The following ARHGAP32 variants were observed in gnomAD, a reference collection of about 807,000 sequenced individuals.
ARHGAP32 encodes rho GTPase-activating protein 32.
ARHGAP32 carries 51 observed loss-of-function variants against 186.5 expected under a neutral mutation model. The ratio of observed to expected loss-of-function variants is 0.27; its 90% CI spans 0.22 to 0.35. The LOEUF (loss-of-function observed/expected upper bound fraction) is 0.35, where lower values mean the gene tolerates loss of function less well. Ranked by LOEUF, ARHGAP32 falls within the 10% of genes least tolerant of loss-of-function variation. The probability of loss-of-function intolerance (pLI) is 1.00; values close to 1 mark genes in which losing one functional copy is unlikely to be tolerated. For synonymous variants in ARHGAP32, 950 were observed against 964.3 expected (o/e 0.99, Z 0.27); for missense variants, 2,186 against 2,623.5 (o/e 0.83, Z 3.64).
Position 129,168,959 on chromosome 11 carries a change from G to A in ARHGAP32, c.117-4532C>T, listed in dbSNP as rs185094018. On this transcript the variant is annotated intron_variant, in intron 1 of 22. Coordinates refer to ENST00000682385, the MANE Select transcript of ARHGAP32 (RefSeq NM_001378024.1). ...AATGGAAATTAGAAAGTCTTTTTATGTGAATGATAATGAAAATACAATAGA... is the reference window on the plus strand; with the variant it reads ...AATGGAAATTAGAAAGTCTTTTTATATGAATGATAATGAAAATACAATAGA... 7.9e-5 allele frequency among the ~76,000 whole-genome samples: 12 copies of A among 152,244 alleles called. No individual in the cohort carries two copies. The East Asian group carries it at 2.1e-3, about 27-fold the overall frequency.
intron 10 of ARHGAP32, among the ~76,000 whole-genome samples, chr11:129,043,373 C>CTT (rs1162755786): frequency 1.2e-5 from 1 of 83,726 alleles, no homozygotes; most frequent in Non-Finnish European, 2.7e-5. Flanking sequence ...ATGCAAATTT[C>CTT]TTTTTTTCTT....
chr11:129,208,505 C>G (rs1014462686), intron 1 of ARHGAP32, among the ~76,000 whole-genome samples: 3 of 152,122 alleles, frequency 2.0e-5, no homozygotes, highest in Non-Finnish European at 4.4e-5. Flanking sequence ...GATCAAACAA[C>G]AGTTAAGACA....
At chr11:129,251,128 TTGA>T (rs1467558485) in intron 1 of ARHGAP32, among the ~76,000 whole-genome samples, 1 of 152,212 alleles carries the variant, frequency 6.6e-6, no homozygotes, top group Non-Finnish European at 1.5e-5. Flanking sequence ...GGATCCTATC[TTGA>T]TGAGGCACCA....
At chr11:129,246,475 A>G (rs1945098505) in intron 1 of ARHGAP32, among the ~76,000 whole-genome samples, 1 of 152,232 alleles carries the variant, frequency 6.6e-6, no homozygotes, top group Admixed American at 6.5e-5. Flanking sequence ...AGAAAAAGAT[A>G]AATTTTACTT....
chr11:129,262,360 A>G (rs1283415963), intron 1 of ARHGAP32, among the ~76,000 whole-genome samples: 2 of 152,120 alleles, frequency 1.3e-5, no homozygotes, highest in African/African-American at 4.8e-5. Flanking sequence ...CCTTACAAAT[A>G]AACAGCTTTA....
intron 1 of ARHGAP32, among the ~76,000 whole-genome samples, chr11:129,247,002 C>CG (rs60207158): frequency 9.5e-4 from 3 of 3,150 alleles, no homozygotes; most frequent in Admixed American, 4.4e-3. Flanking sequence ...CCACAGAGTA[C>CG]CTCTTTTTTC....
intron 11 of ARHGAP32, among the ~76,000 whole-genome samples, chr11:129,030,288 G>A (rs992786820): frequency 3.3e-5 from 5 of 152,014 alleles, no homozygotes; most frequent in Non-Finnish European, 7.4e-5. Context: ...CTACAAAAGA[G>A]CAAAAAGTGT....
At chr11:129,089,159 T>C (rs1476316630) in intron 6 of ARHGAP32, among the ~76,000 whole-genome samples, 2 of 152,188 alleles carry the variant, frequency 1.3e-5, no homozygotes, top group African/African-American at 4.8e-5. Flanking sequence ...GATAAGAATT[T>C]GTTCTTCTTT....
intron 6 of ARHGAP32, among the ~76,000 whole-genome samples, chr11:129,068,830 A>G (rs2135166969): frequency 6.6e-6 from 1 of 152,202 alleles, no homozygotes; most frequent in Middle Eastern, 3.4e-3. Flanking sequence ...AAAACACTTT[A>G]TCCAAGTCTG....
At chr11:129,242,902 A>G (rs1345120330) in intron 1 of ARHGAP32, among the ~76,000 whole-genome samples, 1 of 152,012 alleles carries the variant, frequency 6.6e-6, no homozygotes, top group Admixed American at 6.6e-5. Flanking sequence ...TCAGCTCCCA[A>G]ACCACCTCTA....
At chr11:129,193,425 T>A (rs537568170), upstream of ARHGAP32, among the ~76,000 whole-genome samples, 11 of 100,784 alleles carry the variant, frequency 1.1e-4, no homozygotes, top group East Asian at 3.5e-3. Context: ...AAGGCTGTTG[T>A]GAGCCATAAT....
At chr11:129,076,413 G>A (rs1309617768) in intron 6 of ARHGAP32, among the ~76,000 whole-genome samples, 1 of 152,148 alleles carries the variant, frequency 6.6e-6, no homozygotes, top group Non-Finnish European at 1.5e-5. Context: ...CTCTCTTGGG[G>A]TCTGGATCAG....
intron 10 of ARHGAP32, among the ~76,000 whole-genome samples, chr11:129,058,188 T>TATAC (rs1168873598): frequency 4.3e-4 from 58 of 133,918 alleles, no homozygotes; most frequent in African/African-American, 1.0e-3. Context: ...AAAAAAAATA[T>TATAC]ACACACACAC....
chr11:129,166,092 G>A (rs553812065), intron 1 of ARHGAP32, among the ~76,000 whole-genome samples: 3 of 152,092 alleles, frequency 2.0e-5, no homozygotes, highest in African/African-American at 7.2e-5. Context: ...TACAGTATCT[G>A]AAATTAAGAA....
chr11:129,164,574 T>G, intron 1 of ARHGAP32, 147 bp from the exon 2 acceptor site: 1 of 569,568 alleles, frequency 1.8e-6, no homozygotes, highest in East Asian at 2.9e-5. Flanking sequence ...GATCCTTTAT[T>G]TCTACTCTGG....
At chr11:129,022,234 ACT>A (rs1459043715) in intron 11 of ARHGAP32, among the ~76,000 whole-genome samples, 2 of 152,038 alleles carry the variant, frequency 1.3e-5, no homozygotes, top group Non-Finnish European at 2.9e-5. Context: ...TGGTGTAAAA[ACT>A]CTCTTTTGAG....
chr11:129,095,883 A>G (rs1295933081), intron 5 of ARHGAP32, among the ~76,000 whole-genome samples: 1 of 152,262 alleles, frequency 6.6e-6, no homozygotes, highest in African/African-American at 2.4e-5. Flanking sequence ...AGATACCTTC[A>G]GCATCTCACC....
chr11:129,045,686 T>C (rs887240233), intron 10 of ARHGAP32, among the ~76,000 whole-genome samples: 5 of 152,224 alleles, frequency 3.3e-5, no homozygotes, highest in African/African-American at 9.6e-5. Flanking sequence ...ATCTATTAGC[T>C]ATGTCATCTT....
chr11:129,244,795 A>T (rs1160893397), intron 1 of ARHGAP32, among the ~76,000 whole-genome samples: 1 of 152,252 alleles, frequency 6.6e-6, no homozygotes. Context: ...AAAGGACATA[A>T]ACAGACACTT....
Sources: gnomAD v4.1 joint callset for allele counts (sites outside exome capture counted in the v4.1 genomes callset) on GRCh38, gnomAD v4.1.1 for gene constraint, MANE v1.5 for transcripts, NCBI Gene and HGNC (gene_info 2026-07-23, HGNC 2026-07-21) for gene names.